Variants in CLUL1 observed in about 807,000 individuals in gnomAD.
CLUL1 encodes clusterin like 1.
A neutral mutation model predicts 49.4 loss-of-function variants in CLUL1; 43 were observed. The observed-to-expected ratio is 0.87, with a 90% CI of 0.68 to 1.12. CLUL1 has a LOEUF of 1.12. CLUL1 is among the 50% of genes most tolerant of loss of function. The probability of loss-of-function intolerance (pLI) is 0.00; values close to 1 mark genes in which losing one functional copy is unlikely to be tolerated. For synonymous variants in CLUL1, 192 were observed against 184.9 expected, an observed-to-expected ratio of 1.04 and a Z score of -0.31; for missense variants, 486 against 544.4, an observed-to-expected ratio of 0.89 and a Z score of 1.07.
At chr18:631,945 T>A (rs1206587768) in intron 6 of CLUL1, among the ~76,000 whole-genome samples, 2 of 152,222 alleles carry the variant, frequency 1.3e-5, no homozygotes, top group Non-Finnish European at 1.5e-5. Context: ...TGGGAGAAAC[T>A]GACTTTCTGG....
Position 618,398 on chromosome 18 carries a change from C to A in CLUL1, c.106+292C>A, listed in dbSNP as rs139615728. ...ATCCAGATGGTTGGTGTCATCTCAG[C>A]ACAGCTCTAATGAACAGTGAAATAC... On this transcript the variant is annotated intron_variant, in intron 3 of 9. Coordinates refer to ENST00000692774, the MANE Select transcript of CLUL1 (RefSeq NM_001393344.1). The surrounding 1 kb of genome is among the most constrained non-coding windows in gnomAD (Gnocchi z 4.2). 6.6e-5 allele frequency among the ~76,000 whole-genome samples: 10 copies of A among 152,266 alleles called. No homozygotes were observed. In the East Asian group the frequency reaches 1.9e-3, roughly 29 times the overall value.
intron 7 of CLUL1, among the ~76,000 whole-genome samples, chr18:638,118 G>C (rs969791984): frequency 6.6e-6 from 1 of 152,134 alleles, no homozygotes; most frequent in African/African-American, 2.4e-5. Flanking sequence ...CACATCTTTA[G>C]AAGTTTAAAT....
chr18:634,644 C>T (rs181164725), intron 7 of CLUL1, among the ~76,000 whole-genome samples: 1 of 152,166 alleles, frequency 6.6e-6, no homozygotes, highest in African/African-American at 2.4e-5. Context: ...TTCTGTAAAT[C>T]AGTGTTTAGA....
chr18:646,818 C>T (rs544424144), intron 9 of CLUL1, among the ~76,000 whole-genome samples: 3 of 151,282 alleles, frequency 2.0e-5, no homozygotes, highest in Non-Finnish European at 2.9e-5. Flanking sequence ...GGCACGATCT[C>T]GGCTCACTGC....
At chr18:617,895 A>C in intron 2 of CLUL1, 93 bp from the exon 3 acceptor site, 2 of 1,009,940 alleles carry the variant, frequency 2.0e-6, no homozygotes, top group Non-Finnish European at 3.0e-6. Flanking sequence ...AATTGACAGA[A>C]AAATGCTTTG....
chr18:624,123 G>T (rs568486784), intron 4 of CLUL1, among the ~76,000 whole-genome samples: 24 of 152,178 alleles, frequency 1.6e-4, no homozygotes, highest in African/African-American at 5.8e-4. Context: ...GCTGAGGCTC[G>T]CAGGGACAGG....
intron 2 of CLUL1, among the ~76,000 whole-genome samples, chr18:610,937 G>A (rs546015059): frequency 6.6e-6 from 1 of 152,212 alleles, no homozygotes; most frequent in South Asian, 2.1e-4. Flanking sequence ...GAGCCAACAT[G>A]GGTTGGGTGA....
At chr18:644,000 A>G (rs1393197623) in intron 8 of CLUL1, among the ~76,000 whole-genome samples, 1 of 152,208 alleles carries the variant, frequency 6.6e-6, no homozygotes, top group African/African-American at 2.4e-5. Context: ...AACAGCTCCT[A>G]TTTCACCATG....
rs140941119 is a variant in CLUL1, at chr18:644,650, G to C, written c.1210-260G>C. ...TTTTTCTGCTGAGGGCACAAAGAAA[G>C]TCCTGAAATCATGTGCTACAGCTAT... On this transcript the variant is annotated intron_variant, in intron 8 of 9. Coordinates refer to ENST00000692774, the MANE Select transcript of CLUL1 (RefSeq NM_001393344.1). Among the ~76,000 whole-genome samples, 344 of 152,332 alleles carry C rather than the reference G, an allele frequency of 2.3e-3. 1 individual carries two copies. The highest frequency in any genetic ancestry group is 7.7e-3 in the African/African-American group (320 of 41,586).
At chr18:613,222 T>C (rs899420454) in intron 2 of CLUL1, 6 of 470,374 alleles carry the variant, frequency 1.3e-5, no homozygotes, top group African/African-American at 8.1e-5. Flanking sequence ...CACTGCAACC[T>C]CTACCTCCCA....
intron 9 of CLUL1, among the ~76,000 whole-genome samples, chr18:646,474 CAG>C (rs1248408958): frequency 6.8e-6 from 1 of 147,098 alleles, no homozygotes; most frequent in African/African-American, 2.5e-5. Flanking sequence ...TCCTATCCAA[CAG>C]GGGCACAAGA....
intron 1 of CLUL1, among the ~76,000 whole-genome samples, chr18:597,447 C>T (rs1240889706): frequency 6.6e-6 from 1 of 152,136 alleles, no homozygotes. Context: ...TAAGCGGAGC[C>T]GGGTGTGGTG....
Position 641,303 on chromosome 18 carries a change from C to G in CLUL1, c.995-24C>G, listed in dbSNP as rs143509915. The stretch of plus-strand genomic sequence containing the variant: ...CAAGTTTCATGGACTTTTTCCTTCT[C>G]CACATTACTTTCTTCTCTGCTAGAC... On this transcript the variant is annotated intron_variant, in intron 7 of 9. Transcript: ENST00000692774. 8.7e-6 allele frequency: 14 copies of G among 1,607,236 alleles called. No homozygotes were observed. In the East Asian group the frequency reaches 2.5e-4, roughly 28 times the overall value.
chr18:613,243 A>G, intron 2 of CLUL1: 1 of 454,258 alleles, frequency 2.2e-6, no homozygotes, highest in Non-Finnish European at 3.9e-6. Flanking sequence ...GGTTCAAGCG[A>G]TTCTCCTGCC....
At chr18:611,599 A>C (rs529188628) in intron 2 of CLUL1, among the ~76,000 whole-genome samples, 182 of 152,224 alleles carry the variant, frequency 1.2e-3, no homozygotes, top group African/African-American at 4.2e-3. Flanking sequence ...TTTTTTAATA[A>C]ATTTAAAAAT....
intron 2 of CLUL1, among the ~76,000 whole-genome samples, chr18:611,474 G>A (rs2073133721): frequency 6.6e-6 from 1 of 152,080 alleles, no homozygotes; most frequent in African/African-American, 2.4e-5. Flanking sequence ...TGAGGCGGGA[G>A]GATCACTTGA....
At chr18:633,470 T>C (rs761192314) in intron 7 of CLUL1, 35 bp downstream of exon 7, 1 of 1,575,212 alleles carries the variant, frequency 6.3e-7, no homozygotes, top group East Asian at 2.2e-5. Context: ...TATTCTACTT[T>C]AAGTTCTCAG....
intron 9 of CLUL1, among the ~76,000 whole-genome samples, chr18:648,259 C>G (rs2074569596): frequency 6.6e-6 from 1 of 152,180 alleles, no homozygotes; most frequent in Admixed American, 6.5e-5. Flanking sequence ...CTATCTCTTC[C>G]CAGTTGTTGG....
intron 7 of CLUL1, among the ~76,000 whole-genome samples, chr18:636,923 A>G (rs2074155535): frequency 6.6e-6 from 1 of 150,548 alleles, no homozygotes; most frequent in Admixed American, 6.6e-5. Context: ...CACCATGCCC[A>G]GCCCCTTTCT....
Sources: allele counts gnomAD v4.1 joint callset (sites outside exome capture counted in the v4.1 genomes callset), GRCh38; gene constraint gnomAD v4.1.1; non-coding constraint Gnocchi (gnomAD v3.1); transcripts MANE v1.5; gene names NCBI Gene and HGNC (gene_info 2026-07-23, HGNC 2026-07-21).